PCDHA11: variants seen among roughly 807,000 people sequenced by gnomAD.
The protein encoded by PCDHA11 is protocadherin alpha-11.
PCDHA11 carries 61 observed loss-of-function variants against 70.3 expected under a neutral mutation model. The observed-to-expected ratio is 0.87, with a 90% confidence interval of 0.71 to 1.07. The LOEUF is 1.07. PCDHA11 is among the 50% of genes least tolerant of loss of function. PCDHA11 has a pLI of 0.00. For missense variants in PCDHA11, 1,324 were observed against 1,237.5 expected, an observed-to-expected ratio of 1.07 and a Z score of -1.05; for synonymous variants, 633 against 555.1, an observed-to-expected ratio of 1.14 and a Z score of -1.97.
chr5:140,956,774 C>A (rs1232431991), intron 1 of PCDHA11, among the ~76,000 whole-genome samples: 2 of 152,070 alleles, frequency 1.3e-5, no homozygotes, highest in Non-Finnish European at 2.9e-5. Flanking sequence ...TCTGTCTGGT[C>A]CTGGGCTTTG....
chr5:140,942,145 CAT>C (rs2093239780), intron 1 of PCDHA11, among the ~76,000 whole-genome samples: 1 of 152,176 alleles, frequency 6.6e-6, no homozygotes, highest in African/African-American at 2.4e-5. Context: ...CTTTACTTGA[CAT>C]AAAACAGCTT....
intron 1 of PCDHA11, chr5:140,929,402 A>G: frequency 7.3e-6 from 11 of 1,507,926 alleles, no homozygotes; most frequent in Non-Finnish European, 9.7e-6. Context: ...TTTCTTAGAC[A>G]AGCCTTTCAC....
chr5:141,011,247 G>A lies in PCDHA11; in HGVS notation c.*1310G>A, dbSNP rs1554263390. On this transcript the variant is annotated 3_prime_UTR_variant, in exon 4 of 4. Transcript: ENST00000398640. The stretch of plus-strand genomic sequence containing the variant: ...TCTACTAATTCTGTGACTTGTCTTG[G>A]TGTGCTAGCCTACACCTTCTCTTTG... The A allele has an allele frequency of 2.0e-5, 3 of 153,772 alleles. No individual in the cohort carries two copies. The highest frequency in any genetic ancestry group is 7.2e-5 in the African/African-American group (3 of 41,538). The allele number at this position is 153,772 out of a possible 1,614,324, so 9.5% of individuals were successfully genotyped here.
intron 1 of PCDHA11, chr5:140,882,955 C>T: frequency 6.2e-7 from 1 of 1,614,178 alleles, no homozygotes; most frequent in East Asian, 2.2e-5. Context: ...TTCAGCTGCT[C>T]ATCACGATTC....
intron 1 of PCDHA11, chr5:140,882,334 A>G: frequency 1.2e-6 from 2 of 1,614,176 alleles, no homozygotes; most frequent in Non-Finnish European, 1.7e-6. Flanking sequence ...TGATCCTCGC[A>G]GCCTGGGAGA....
Position 140,868,997 on chromosome 5 carries a change from G to T in PCDHA11, c.-107G>T. The stretch of plus-strand genomic sequence containing the variant: ...ATCATACCGGATGCCACCGTTTAAG[G>T]ATCCTTTGAAACTTCTTAAGAATTC... On this transcript the variant is annotated 5_prime_UTR_variant, in exon 1 of 4. Transcript: ENST00000398640. 6.6e-7 allele frequency: 1 copy of T among 1,517,542 alleles called. No individual in the cohort carries two copies. Among genetic ancestry groups the T allele is most frequent in the Non-Finnish European group, 8.8e-7 (1 of 1,135,754 alleles). 94.0% of individuals were successfully genotyped at this position (1,517,542 alleles called of 1,614,324 possible).
intron 1 of PCDHA11, among the ~76,000 whole-genome samples, chr5:140,898,087 T>C (rs1480771668): frequency 2.6e-5 from 4 of 152,150 alleles, no homozygotes; most frequent in Non-Finnish European, 5.9e-5. Flanking sequence ...TTCTGGATAT[T>C]AGCCCTTTGT....
chr5:140,995,787 T>C (rs2097697894), intron 3 of PCDHA11, among the ~76,000 whole-genome samples: 1 of 152,152 alleles, frequency 6.6e-6, no homozygotes, highest in Non-Finnish European at 1.5e-5. Context: ...AGGTTTAAAA[T>C]TTGTCTCATG....
rs782403008 is a variant in PCDHA11 at position 140,877,235 on chromosome 5, G to A, written c.2391+5741G>A. ...TTGGTACCGCGGTCGGTGGGTGCGGGCCACGTGGTGGCGAAAGTGCGCGCG... is the reference window on the plus strand; with the variant it reads ...TTGGTACCGCGGTCGGTGGGTGCGGACCACGTGGTGGCGAAAGTGCGCGCG... On this transcript the variant is annotated intron_variant, in intron 1 of 3. Transcript: ENST00000398640. 49 of 1,613,570 alleles carry A rather than the reference G, an allele frequency of 3.0e-5. No homozygotes were observed. In the South Asian group the frequency reaches 5.1e-4, roughly 17 times the overall value.
At chr5:140,913,166 G>C (rs1357125827) in intron 1 of PCDHA11, among the ~76,000 whole-genome samples, 2 of 152,160 alleles carry the variant, frequency 1.3e-5, no homozygotes, top group African/African-American at 4.8e-5. Flanking sequence ...ATTGGTATTA[G>C]TTCTTCTTTA....
At chr5:140,965,288 T>C (rs1020237812) in intron 1 of PCDHA11, among the ~76,000 whole-genome samples, 5 of 152,216 alleles carry the variant, frequency 3.3e-5, no homozygotes, top group Non-Finnish European at 7.3e-5. Flanking sequence ...CATGGAAAGA[T>C]TTCCTCTGAT....
At chr5:140,967,784 C>T in intron 1 of PCDHA11, 3 of 1,614,174 alleles carry the variant, frequency 1.9e-6, no homozygotes, top group South Asian at 1.1e-5. Context: ...GGCGACTGAC[C>T]GGGGTCCAGT....
chr5:140,938,026 A>T (rs2091889452), intron 1 of PCDHA11, among the ~76,000 whole-genome samples: 1 of 152,144 alleles, frequency 6.6e-6, no homozygotes, highest in Non-Finnish European at 1.5e-5. Context: ...GTAAAATCTC[A>T]TATTTTTATA....
chr5:140,916,092 A>T (rs1396935399), intron 1 of PCDHA11, among the ~76,000 whole-genome samples: 1 of 152,092 alleles, frequency 6.6e-6, no homozygotes, highest in Non-Finnish European at 1.5e-5. Flanking sequence ...GTCCACAGGG[A>T]ATCTGCCTGG....
intron 1 of PCDHA11, among the ~76,000 whole-genome samples, chr5:140,965,377 A>G (rs1479954226): frequency 6.6e-6 from 1 of 152,190 alleles, no homozygotes; most frequent in Non-Finnish European, 1.5e-5. Flanking sequence ...AAACTTGGGG[A>G]CACAGAAGAA....
intron 1 of PCDHA11, among the ~76,000 whole-genome samples, chr5:140,923,187 T>C (rs1554201249): frequency 1.3e-5 from 2 of 152,192 alleles, no homozygotes; most frequent in African/African-American, 4.8e-5. Flanking sequence ...ATGCATCTAC[T>C]GCAGCAATTT....
At chr5:140,875,236 C>G (rs2055366681) in intron 1 of PCDHA11, 2 of 889,228 alleles carry the variant, frequency 2.2e-6, no homozygotes, top group East Asian at 2.9e-5. Context: ...CTTTCTTGTA[C>G]TTACATAATC....
intron 3 of PCDHA11, among the ~76,000 whole-genome samples, chr5:140,989,557 G>A (rs933151682): frequency 6.6e-6 from 1 of 152,166 alleles, no homozygotes; most frequent in Non-Finnish European, 1.5e-5. Context: ...TTTACGTTTT[G>A]TGGCTCCGGC....
chr5:140,929,539 G>A (rs155821), intron 1 of PCDHA11: 194,060 of 591,620 alleles, frequency 0.33, 32,601 homozygotes, highest in East Asian at 0.49. Flanking sequence ...TGAGAAACAA[G>A]GGCAAAAATT....
Sources: gnomAD v4.1 joint callset for allele counts (sites outside exome capture counted in the v4.1 genomes callset) on GRCh38, gnomAD v4.1.1 for gene constraint, MANE v1.5 for transcripts, NCBI Gene and HGNC (gene_info 2026-07-23, HGNC 2026-07-21) for gene names.